The following ZNF395 variants were observed in gnomAD, a reference collection of about 807,000 sequenced individuals.
ZNF395 encodes the protein HD gene regulatory region-binding protein 2.
ZNF395 carries 20 observed loss-of-function variants against 57.7 expected under a neutral mutation model. The ratio of observed to expected loss-of-function variants is 0.35; its 90% CI spans 0.24 to 0.50. The LOEUF is 0.50. ZNF395 is among the 20% of genes least tolerant of loss of function. ZNF395 has a pLI of 0.97. For synonymous variants in ZNF395, 295 were observed against 275.9 expected, an observed-to-expected ratio of 1.07 and a Z score of -0.69; for missense variants, 606 against 671.2, an observed-to-expected ratio of 0.90 and a Z score of 1.07.
rs1679481604 is a variant in ZNF395 at position 28,359,081 on chromosome 8, A to G, written c.473+511T>C. ...ATGCCCAACCAAAGGTACATTGCCC[A>G]TAATAGAGCTATGGAAAAGAAAAGA... On this transcript the variant is annotated intron_variant, in intron 3 of 9. Coordinates refer to ENST00000344423, the MANE Select transcript of ZNF395 (RefSeq NM_018660.3). This position sits in a 1 kb window ranked among gnomAD's most constrained non-coding sequence, Gnocchi z 4.7. 6.6e-6 allele frequency among the ~76,000 whole-genome samples: 1 copy of G among 152,214 alleles called. No individual in the cohort carries two copies. The highest frequency in any genetic ancestry group is 2.4e-5 in the African/African-American group (1 of 41,460).
rs146317571 is a variant in ZNF395 at position 28,355,638 on chromosome 8, C to A, written c.583+1032G>T. On this transcript the variant is annotated intron_variant, in intron 4 of 9. Transcript: ENST00000344423. ...ATCTTTCCACTGTTAACCCAACCAT[C>A]CAGATCTCCTAAACTCTCCTGAGAA... Among the ~76,000 whole-genome samples the A allele has an allele frequency of 3.3e-4, 50 of 152,268 alleles. 1 individual carries two copies. The highest frequency in any genetic ancestry group is 1.2e-3 in the African/African-American group (50 of 41,526).
At chr8:28,371,315 C>T (rs1032001644) in intron 1 of ZNF395, among the ~76,000 whole-genome samples, 17 of 152,254 alleles carry the variant, frequency 1.1e-4, no homozygotes, top group African/African-American at 4.1e-4. Flanking sequence ...CAAATAGCTG[C>T]GACTACAGGT....
At chr8:28,373,998 C>A (rs969748404) in intron 1 of ZNF395, among the ~76,000 whole-genome samples, 1 of 152,180 alleles carries the variant, frequency 6.6e-6, no homozygotes, top group African/African-American at 2.4e-5. Context: ...AGAAAACTCA[C>A]AGGTGCTATA....
chr8:28,350,944 A>C (rs1402845032), intron 7 of ZNF395, among the ~76,000 whole-genome samples: 2 of 152,210 alleles, frequency 1.3e-5, no homozygotes, highest in East Asian at 3.8e-4. Context: ...GGTACCTACA[A>C]CACCTTCTCA....
intron 8 of ZNF395, among the ~76,000 whole-genome samples, 199 bp downstream of exon 8, chr8:28,349,865 C>T (rs554919529): frequency 1.1e-4 from 17 of 152,344 alleles, no homozygotes; most frequent in African/African-American, 3.8e-4. Context: ...TCCACCTCCG[C>T]GAGGGGCTAT....
chr8:28,374,934 C>G (rs2129986673), intron 1 of ZNF395, among the ~76,000 whole-genome samples: 1 of 152,278 alleles, frequency 6.6e-6, no homozygotes, highest in East Asian at 1.9e-4. Flanking sequence ...TCCAAATCCC[C>G]TGAGCTAATG....
chr8:28,381,166 C>T (rs1464987105), intron 1 of ZNF395, among the ~76,000 whole-genome samples: 3 of 152,086 alleles, frequency 2.0e-5, no homozygotes, highest in African/African-American at 4.8e-5. Context: ...CTCAGCCTCC[C>T]GAGCAGCTTG....
chr8:28,359,903 G>T lies in ZNF395; in HGVS notation c.241-79C>A. ...AAGTTCTCATGCACCCCACGTCCCAGGAGCCAGGATCTGCCTGCCACAAAC... is the reference window on the plus strand; with the variant it reads ...AAGTTCTCATGCACCCCACGTCCCATGAGCCAGGATCTGCCTGCCACAAAC... On this transcript the variant is annotated intron_variant, in intron 2 of 9. Coordinates refer to ENST00000344423, the MANE Select transcript of ZNF395 (RefSeq NM_018660.3). This position sits in a 1 kb window ranked among gnomAD's most constrained non-coding sequence, Gnocchi z 4.7. 6.5e-7 allele frequency: 1 copy of T among 1,527,208 alleles called. No homozygotes were observed. The allele number at this position is 1,527,208 out of a possible 1,614,324, so 94.6% of individuals were successfully genotyped here. A position where few individuals can be genotyped will look rare whatever the true frequency, so the allele number is the denominator to read the frequency against.
At position 28,349,196 on chromosome 8, in the gene ZNF395, G is replaced by T. The variant is rs1188823668; in HGVS notation, c.1359C>A (p.Pro453=). The T allele has an allele frequency of 1.3e-6, 2 of 1,561,778 alleles. No homozygotes were observed. Among genetic ancestry groups the T allele is most frequent in the South Asian group, 1.2e-5 (1 of 83,004 alleles). ...ATTTCATCGCAGGTGCTGGCTGCTG[G>T]GGCTCGCTGAAGCTTAGCGACCGGC... ...VRSRSLSFSE[P]QQPAPAMKSH... The change falls in exon 9 of 10, where the codon CCC becomes CCA. Residue 453 remains proline (P), a synonymous_variant. Coordinates refer to ENST00000344423, the MANE Select transcript of ZNF395 (RefSeq NM_018660.3).
chr8:28,361,470 CTGTG>C (rs1409412203), intron 1 of ZNF395, among the ~76,000 whole-genome samples: 4 of 152,158 alleles, frequency 2.6e-5, no homozygotes, highest in Non-Finnish European at 4.4e-5. Flanking sequence ...TTTTACTTAA[CTGTG>C]TAAGTTTTAC....
At chr8:28,349,373 G>C (rs988921367) in intron 8 of ZNF395, 145 bp from the exon 9 acceptor site, 3 of 533,746 alleles carry the variant, frequency 5.6e-6, no homozygotes, top group Non-Finnish European at 9.4e-6. Flanking sequence ...GCCGAGGGGA[G>C]CTCTTGGCAG....
chr8:28,380,884 T>G (rs927077814), intron 1 of ZNF395, among the ~76,000 whole-genome samples: 1 of 152,190 alleles, frequency 6.6e-6, no homozygotes, highest in Non-Finnish European at 1.5e-5. Flanking sequence ...GTCTCACTGT[T>G]GCCCAGGCTG....
Position 28,346,697 on chromosome 8 carries a change from ACT to A in ZNF395, c.*2020_*2021del. On this transcript the variant is annotated 3_prime_UTR_variant, in exon 10 of 10. Transcript: ENST00000344423. ...TTCTAAAGACGAGACGGCAGTGAAA[ACT>A]CTGAGGGAGAGGGGAAGGGGAGGCC... The A allele has an allele frequency of 6.6e-6, 1 of 151,914 alleles. No homozygotes were observed. Among genetic ancestry groups the A allele is most frequent in the African/African-American group, 2.4e-5 (1 of 41,376 alleles). The allele number at this position is 151,914 out of a possible 1,614,324, so 9.4% of individuals were successfully genotyped here.
intron 1 of ZNF395, among the ~76,000 whole-genome samples, chr8:28,384,845 T>A (rs1426896515): frequency 6.6e-6 from 1 of 152,230 alleles, no homozygotes; most frequent in Non-Finnish European, 1.5e-5. Context: ...AACTCCTAAA[T>A]CACTTCCACC....
intron 1 of ZNF395, among the ~76,000 whole-genome samples, chr8:28,382,960 CAT>C (rs1802127814): frequency 6.6e-6 from 1 of 152,184 alleles, no homozygotes; most frequent in Non-Finnish European, 1.5e-5. Context: ...TTTTTATATA[CAT>C]GATTGTATGT....
At chr8:28,350,480 C>T (rs7837077) in intron 7 of ZNF395, among the ~76,000 whole-genome samples, 3,005 of 152,272 alleles carry the variant, frequency 0.02, 55 homozygotes, top group Middle Eastern at 0.075. Flanking sequence ...TGCCATGGCA[C>T]GTGCCAAAAG....
Position 28,361,110 on chromosome 8 carries a change from C to T in ZNF395, c.15G>A (p.Leu5=), listed in dbSNP as rs760401405. MASV[L]SRRLGKRSLL... Reference sequence around the variant, plus strand: ...GGGACCGCTTTCCAAGGCGTCGGGACAGGACACTCGCCATGCTGCTGCCTC... The same window carrying T: ...GGGACCGCTTTCCAAGGCGTCGGGATAGGACACTCGCCATGCTGCTGCCTC... Residue 5 remains leucine, a synonymous_variant, in exon 2 of 10, where the codon CTG becomes CTA. Coordinates refer to ENST00000344423, the MANE Select transcript of ZNF395 (RefSeq NM_018660.3). 24 of 1,612,360 alleles carry T rather than the reference C, an allele frequency of 1.5e-5. No individual in the cohort carries two copies. Among genetic ancestry groups the T allele is most frequent in the South Asian group, 1.2e-4 (11 of 91,086 alleles).
At chr8:28,385,473 G>A (rs138462549) in intron 1 of ZNF395, 2,127 of 151,082 alleles carry the variant, frequency 0.014, 19 homozygotes, top group Non-Finnish European at 0.022. Flanking sequence ...GGGCGGAGGC[G>A]GGACCGGGCG....
rs201612215 is a variant in ZNF395 at position 28,348,682 on chromosome 8, G to A, written c.*37C>T. 782 of 1,586,588 alleles carry A rather than the reference G, an allele frequency of 4.9e-4. 3 individuals carry two copies. The African/African-American group carries it at 8.9e-3, about 18-fold the overall frequency. ...CACTGGCCTCTTGTCAGTGGCTGCC[G>A]GCAGGGCCAGGAACAGAGTAGAACC... On this transcript the variant is annotated 3_prime_UTR_variant, in exon 10 of 10. Transcript: ENST00000344423.
Sources: allele counts gnomAD v4.1 joint callset (sites outside exome capture counted in the v4.1 genomes callset), GRCh38; gene constraint gnomAD v4.1.1; non-coding constraint Gnocchi (gnomAD v3.1); transcripts MANE v1.5; gene names NCBI Gene and HGNC (gene_info 2026-07-23, HGNC 2026-07-21).